RASGRF2: variants seen among roughly 807,000 people sequenced by gnomAD.
RASGRF2 encodes the protein Ras protein specific guanine nucleotide releasing factor 2.
A neutral mutation model predicts 151.0 loss-of-function variants in RASGRF2; 76 were observed. That is an observed-to-expected ratio of 0.50 (90% CI 0.42 to 0.61). The LOEUF (loss-of-function observed/expected upper bound fraction) is 0.61, where lower values mean the gene tolerates loss of function less well. Among genes scored for constraint, RASGRF2 ranks in the 20% least tolerant of loss-of-function variants. The pLI is 0.00. For missense variants in RASGRF2, 1,148 were observed against 1,564.6 expected, an observed-to-expected ratio of 0.73 and a Z score of 4.49; for synonymous variants, 504 against 566.5, an observed-to-expected ratio of 0.89 and a Z score of 1.57.
At chr5:81,111,346 A>T (rs140650309) in intron 13 of RASGRF2, among the ~76,000 whole-genome samples, 27 of 152,328 alleles carry the variant, frequency 1.8e-4, no homozygotes, top group African/African-American at 6.5e-4. Flanking sequence ...GTCCACTTGG[A>T]GAGGCTGCCA....
At chr5:81,075,920 A>C (rs796902748) in intron 5 of RASGRF2, among the ~76,000 whole-genome samples, 6 of 152,338 alleles carry the variant, frequency 3.9e-5, no homozygotes, top group African/African-American at 1.4e-4. Flanking sequence ...AGGAGCATGG[A>C]TATTCCAACA....
At chr5:81,222,927 G>A (rs577101554) in intron 26 of RASGRF2, among the ~76,000 whole-genome samples, 1 of 152,260 alleles carries the variant, frequency 6.6e-6, no homozygotes, top group African/African-American at 2.4e-5. Flanking sequence ...AATTACTAAA[G>A]GAGTATAGCA....
chr5:81,012,899 C>A (rs1475934370), intron 1 of RASGRF2, among the ~76,000 whole-genome samples: 2 of 152,064 alleles, frequency 1.3e-5, no homozygotes, highest in African/African-American at 4.8e-5. Context: ...GGAAGAAAAG[C>A]TGCCTGATGT....
intron 7 of RASGRF2, 115 bp downstream of exon 7, chr5:81,080,904 T>TG: frequency 4.4e-6 from 4 of 904,700 alleles, no homozygotes; most frequent in Non-Finnish European, 6.8e-6. Flanking sequence ...ATGGCACAGA[T>TG]GTACCATCTG....
intron 1 of RASGRF2, among the ~76,000 whole-genome samples, chr5:80,972,439 G>A: frequency 6.6e-6 from 1 of 152,070 alleles, no homozygotes; most frequent in Non-Finnish European, 1.5e-5. Flanking sequence ...ATAAAAATGA[G>A]GTTGAGCACC....
chr5:81,050,342 C>A (rs1750971920), intron 2 of RASGRF2, among the ~76,000 whole-genome samples: 1 of 152,124 alleles, frequency 6.6e-6, no homozygotes, highest in Admixed American at 6.5e-5. Context: ...TATTATAATT[C>A]AATTTACTTC....
At chr5:80,966,366 A>G (rs765327114) in intron 1 of RASGRF2, among the ~76,000 whole-genome samples, 36 of 152,298 alleles carry the variant, frequency 2.4e-4, no homozygotes, top group Admixed American at 1.6e-3. Context: ...TTAAACAAAG[A>G]CTGTAAATAG....
intron 11 of RASGRF2, 92 bp from the exon 12 acceptor site, chr5:81,094,764 A>G (rs1192965468): frequency 1.4e-6 from 2 of 1,379,554 alleles, no homozygotes; most frequent in African/African-American, 1.5e-5. Context: ...TTTGAGTGCA[A>G]ATGGATTGTA....
Position 81,113,453 on chromosome 5 carries a change from A to G in RASGRF2, c.2088-85A>G, listed in dbSNP as rs549756342. ...AGTGCAATGAGATTGTGACCTATAAATGAAGGGAACATGTTCTTGAATGAC... is the reference window on the plus strand; with the variant it reads ...AGTGCAATGAGATTGTGACCTATAAGTGAAGGGAACATGTTCTTGAATGAC... On this transcript the variant is annotated intron_variant, in intron 14 of 26. Coordinates refer to ENST00000265080, the MANE Select transcript of RASGRF2 (RefSeq NM_006909.3). The G allele has an allele frequency of 3.5e-6, 5 of 1,426,694 alleles. No individual in the cohort carries two copies. In the South Asian group the frequency reaches 6.6e-5, roughly 19 times the overall value. 88.4% of individuals were successfully genotyped at this position (1,426,694 alleles called of 1,614,324 possible).
chr5:81,160,771 T>C (rs1754366159), intron 17 of RASGRF2, among the ~76,000 whole-genome samples: 1 of 150,656 alleles, frequency 6.6e-6, no homozygotes, highest in African/African-American at 2.4e-5. Context: ...CTTGGGAGGC[T>C]GAGATGGGAG....
chr5:81,207,096 T>C, intron 20 of RASGRF2, 150 bp from the exon 21 acceptor site: 4 of 805,324 alleles, frequency 5.0e-6, no homozygotes, highest in Non-Finnish European at 8.0e-6. Context: ...TTGGCTTTGA[T>C]ACTTTTAGCT....
intron 19 of RASGRF2, among the ~76,000 whole-genome samples, chr5:81,203,189 T>C (rs982116590): frequency 6.6e-6 from 1 of 152,268 alleles, no homozygotes; most frequent in Non-Finnish European, 1.5e-5. Flanking sequence ...TTTCTCTTCA[T>C]AACTAGTTTG....
chr5:81,177,635 A>G (rs1409440786), intron 17 of RASGRF2, among the ~76,000 whole-genome samples: 2 of 151,012 alleles, frequency 1.3e-5, no homozygotes, highest in African/African-American at 4.9e-5. Flanking sequence ...CATGGATGAC[A>G]CAAATATTAA....
At chr5:81,059,545 T>C (rs1461842669) in intron 2 of RASGRF2, among the ~76,000 whole-genome samples, 2 of 150,592 alleles carry the variant, frequency 1.3e-5, no homozygotes, top group Non-Finnish European at 3.0e-5. Flanking sequence ...CATTCTTGCA[T>C]TGCTATAAAG....
At chr5:81,010,163 A>G (rs944045165) in intron 1 of RASGRF2, among the ~76,000 whole-genome samples, 2 of 151,996 alleles carry the variant, frequency 1.3e-5, no homozygotes, top group Admixed American at 6.5e-5. Flanking sequence ...CAAAAAAAAA[A>G]AAAGAAAAAG....
intron 17 of RASGRF2, among the ~76,000 whole-genome samples, chr5:81,176,402 T>C: frequency 6.6e-6 from 1 of 152,220 alleles, no homozygotes; most frequent in East Asian, 1.9e-4. Context: ...ATGCGCAGCA[T>C]AACCCAATTC....
rs531689568 is a variant in RASGRF2 at position 81,159,487 on chromosome 5, G to A, written c.2687-20688G>A. 9.8e-5 allele frequency among the ~76,000 whole-genome samples: 15 copies of A among 152,314 alleles called. No individual in the cohort carries two copies. In the South Asian group the frequency reaches 1.7e-3, roughly 17 times the overall value. ...ACCACGTACTCTACGATTCCTTTAC[G>A]GGATGTTACATTAAATATCCAGAAA... On this transcript the variant is annotated intron_variant, in intron 17 of 26. Coordinates refer to ENST00000265080, the MANE Select transcript of RASGRF2 (RefSeq NM_006909.3).
intron 2 of RASGRF2, among the ~76,000 whole-genome samples, chr5:81,063,286 G>T (rs560899693): frequency 9.8e-4 from 149 of 152,136 alleles, no homozygotes; most frequent in African/African-American, 3.4e-3. Context: ...TCTCTCTGTT[G>T]CCCAGGCTGG....
intron 1 of RASGRF2, among the ~76,000 whole-genome samples, chr5:81,041,234 G>A (rs920736023): frequency 7.9e-5 from 12 of 151,166 alleles, no homozygotes; most frequent in Non-Finnish European, 7.4e-5. Flanking sequence ...CCAGGGAGAC[G>A]GAGGTTGCAA....
Sources: gnomAD v4.1 joint callset for allele counts (sites outside exome capture counted in the v4.1 genomes callset) on GRCh38, gnomAD v4.1.1 for gene constraint, MANE v1.5 for transcripts, NCBI Gene and HGNC (gene_info 2026-07-23, HGNC 2026-07-21) for gene names.